The following BTBD16 variants were observed in gnomAD, a reference collection of about 807,000 sequenced individuals.
The protein encoded by BTBD16 is BTB domain containing 16.
Under a neutral mutation model 67.4 loss-of-function variants are expected in BTBD16, and 66 were observed. The observed-to-expected ratio is 0.98, with a 90% CI of 0.80 to 1.20. BTBD16 has a LOEUF of 1.20. BTBD16 is among the 50% of genes most tolerant of loss of function. The pLI is 0.00. For missense variants in BTBD16, 634 were observed against 616.0 expected (o/e 1.03, Z -0.31); for synonymous variants, 242 against 236.4 (o/e 1.02, Z -0.22).
At chr10:122,285,455 T>C (rs2096361805) in intron 4 of BTBD16, among the ~76,000 whole-genome samples, 1 of 152,200 alleles carries the variant, frequency 6.6e-6, no homozygotes, top group African/African-American at 2.4e-5. Context: ...CTACCCTCGT[T>C]GGTGGGCCTG....
At chr10:122,336,788 C>A (rs1387627847) in intron 15 of BTBD16, 106 bp downstream of exon 15, 8 of 1,028,598 alleles carry the variant, frequency 7.8e-6, no homozygotes, top group Admixed American at 3.3e-5. Context: ...CACTGAAGAT[C>A]CCTGGAAAAT....
At chr10:122,297,397 C>T (rs1188258456) in intron 7 of BTBD16, among the ~76,000 whole-genome samples, 1 of 152,184 alleles carries the variant, frequency 6.6e-6, no homozygotes, top group Non-Finnish European at 1.5e-5. Flanking sequence ...TCTGGTGGCA[C>T]CATAAGGGTC....
intron 7 of BTBD16, among the ~76,000 whole-genome samples, chr10:122,296,558 T>C (rs1322619055): frequency 6.6e-6 from 1 of 152,206 alleles, no homozygotes; most frequent in Non-Finnish European, 1.5e-5. Flanking sequence ...CCCTGCTCAA[T>C]GAAGTGAACA....
chr10:122,295,304 AAG>A (rs2096381144), intron 7 of BTBD16: 2 of 985,266 alleles, frequency 2.0e-6, no homozygotes, highest in African/African-American at 1.7e-5. Context: ...ACAGCAGTCA[AAG>A]GGGGAGAAAG....
At chr10:122,291,362 A>G in intron 7 of BTBD16, 168 bp downstream of exon 7, 1 of 791,680 alleles carries the variant, frequency 1.3e-6, no homozygotes, top group Non-Finnish European at 1.9e-6. Context: ...ACTAATTCAC[A>G]CTAACAGGTG....
rs776268759 is a variant in BTBD16 at position 122,336,643 on chromosome 10, G to A, written c.1413G>A (p.Lys471=). Residue 471 remains lysine (K), a synonymous_variant, in exon 15 of 16, where the codon AAG becomes AAA. Transcript: ENST00000260723. ...AGGAGTTCAGGACAAACCAGATCAA[G>A]CAGAAGTTTGGGTTGACCACGTCAT... The part of the protein sequence containing the change: ...KWQEFRTNQI[K]QKFGLTTSSC... The A allele has an allele frequency of 1.2e-6, 2 of 1,604,594 alleles. No homozygotes were observed. The highest frequency in any genetic ancestry group is 1.7e-6 in the Non-Finnish European group (2 of 1,177,634).
chr10:122,327,341 T>C (rs1361967774), intron 10 of BTBD16, among the ~76,000 whole-genome samples: 1 of 152,202 alleles, frequency 6.6e-6, no homozygotes, highest in Non-Finnish European at 1.5e-5. Context: ...GTCCATTCAC[T>C]TTCCCTGGGG....
chr10:122,295,578 T>G, intron 7 of BTBD16: 1 of 970,494 alleles, frequency 1.0e-6, no homozygotes, highest in Non-Finnish European at 1.2e-6. Context: ...GGCTGGCTGT[T>G]GAGAGGCTAT....
chr10:122,284,258 C>T (rs141652842), intron 4 of BTBD16, among the ~76,000 whole-genome samples: 1,874 of 152,104 alleles, frequency 0.012, 46 homozygotes, highest in African/African-American at 0.042. Context: ...AGACCAGCCT[C>T]GCCAACATGG....
intron 10 of BTBD16, among the ~76,000 whole-genome samples, chr10:122,311,392 A>C (rs1197977032): frequency 1.3e-5 from 2 of 152,064 alleles, no homozygotes; most frequent in Non-Finnish European, 2.9e-5. Context: ...ACACACATAC[A>C]CACACCACTC....
At chr10:122,297,883 C>T in intron 8 of BTBD16, 46 bp downstream of exon 8, 2 of 1,575,794 alleles carry the variant, frequency 1.3e-6, no homozygotes, top group Non-Finnish European at 1.7e-6. Flanking sequence ...GGGGGGCCTT[C>T]AGGAGCAGCC....
intron 10 of BTBD16, among the ~76,000 whole-genome samples, chr10:122,323,440 G>T (rs1184433138): frequency 6.6e-6 from 1 of 152,206 alleles, no homozygotes; most frequent in Non-Finnish European, 1.5e-5. Flanking sequence ...GTAGCTTCTT[G>T]TTGCTTCTTA....
At chr10:122,282,156 T>C (rs1168135100) in intron 3 of BTBD16, among the ~76,000 whole-genome samples, 1 of 152,198 alleles carries the variant, frequency 6.6e-6, no homozygotes, top group Non-Finnish European at 1.5e-5. Flanking sequence ...ACACTGATGT[T>C]TGTGAGAGTA....
At chr10:122,272,692 C>T (rs1338527432) in intron 1 of BTBD16, among the ~76,000 whole-genome samples, 1 of 151,980 alleles carries the variant, frequency 6.6e-6, no homozygotes. Flanking sequence ...CACACACACA[C>T]ACACACACAC....
intron 6 of BTBD16, among the ~76,000 whole-genome samples, chr10:122,290,563 C>T (rs1323825805): frequency 6.6e-6 from 1 of 152,182 alleles, no homozygotes; most frequent in South Asian, 2.1e-4. Context: ...CCAGAGGACA[C>T]TCTGACGGTG....
At chr10:122,314,971 A>C (rs140079689) in intron 10 of BTBD16, among the ~76,000 whole-genome samples, 1 of 152,186 alleles carries the variant, frequency 6.6e-6, no homozygotes, top group Non-Finnish European at 1.5e-5. Flanking sequence ...GTCTCAAGGA[A>C]AAAGCTTTCA....
chr10:122,281,395 T>A (rs1397985928), intron 3 of BTBD16, among the ~76,000 whole-genome samples: 1 of 152,044 alleles, frequency 6.6e-6, no homozygotes, highest in Non-Finnish European at 1.5e-5. Flanking sequence ...TTTGTTTTTT[T>A]AAAGAGATTT....
At chr10:122,301,298 G>A (rs1231850593) in intron 9 of BTBD16, among the ~76,000 whole-genome samples, 8 of 152,168 alleles carry the variant, frequency 5.3e-5, no homozygotes, top group Non-Finnish European at 1.0e-4. Context: ...GAAGGTTAGC[G>A]GTGGGATAAG....
chr10:122,305,629 A>G (rs2096402364), intron 9 of BTBD16, among the ~76,000 whole-genome samples: 1 of 152,200 alleles, frequency 6.6e-6, no homozygotes, highest in Non-Finnish European at 1.5e-5. Flanking sequence ...CTGTGAGTCA[A>G]GTAAACCTCT....
Sources: allele counts gnomAD v4.1 joint callset (sites outside exome capture counted in the v4.1 genomes callset), GRCh38; gene constraint gnomAD v4.1.1; transcripts MANE v1.5; gene names NCBI Gene and HGNC (gene_info 2026-07-23, HGNC 2026-07-21).